GMDS: variants seen among roughly 807,000 people sequenced by gnomAD.
GMDS encodes GDP-mannose 4,6-dehydratase.
A neutral mutation model predicts 49.9 loss-of-function variants in GMDS; 20 were observed. That is an observed-to-expected ratio of 0.40 (90% confidence interval 0.28 to 0.58). The LOEUF (loss-of-function observed/expected upper bound fraction) is 0.58. Among genes scored for constraint, GMDS ranks in the 20% least tolerant of loss-of-function variants. The probability of loss-of-function intolerance (pLI) is 0.42; values close to 1 mark genes in which losing one functional copy is unlikely to be tolerated. For missense variants in GMDS, 362 were observed against 481.4 expected (o/e 0.75, Z 2.32); for synonymous variants, 177 against 178.6 (o/e 0.99, Z 0.07).
chr6:1,779,999 C>CTTT (rs1769015219), intron 7 of GMDS, among the ~76,000 whole-genome samples: 1 of 152,218 alleles, frequency 6.6e-6, no homozygotes, highest in South Asian at 2.1e-4. Context: ...TGAGTTTAGT[C>CTTT]TTTTGAGGAC....
chr6:1,827,872 C>G (rs1771194421), intron 7 of GMDS, among the ~76,000 whole-genome samples: 1 of 151,990 alleles, frequency 6.6e-6, no homozygotes, highest in Non-Finnish European at 1.5e-5. Context: ...ATTCAAATGT[C>G]CAGGTTTCAA....
intron 9 of GMDS, among the ~76,000 whole-genome samples, chr6:1,676,452 C>G (rs1764628830): frequency 6.6e-6 from 1 of 152,140 alleles, no homozygotes; most frequent in Admixed American, 6.5e-5. Flanking sequence ...CATATGGAAC[C>G]AAAAAAGAGC....
At chr6:1,675,095 G>A (rs142485747) in intron 9 of GMDS, among the ~76,000 whole-genome samples, 1,579 of 151,960 alleles carry the variant, frequency 0.01, 34 homozygotes, top group African/African-American at 0.036. Flanking sequence ...GCAACACCAC[G>A]CCTGGCTAAT....
intron 4 of GMDS, among the ~76,000 whole-genome samples, chr6:1,986,829 CA>C: frequency 6.6e-6 from 1 of 152,172 alleles, no homozygotes; most frequent in Non-Finnish European, 1.5e-5. Context: ...GCCCATTATT[CA>C]AAATTTTTTT....
At chr6:1,947,249 T>C (rs984264402) in intron 6 of GMDS, among the ~76,000 whole-genome samples, 2 of 152,200 alleles carry the variant, frequency 1.3e-5, no homozygotes, top group Non-Finnish European at 2.9e-5. Context: ...AATGGGGATA[T>C]GCTGGTACTA....
intron 6 of GMDS, among the ~76,000 whole-genome samples, chr6:1,952,511 T>C (rs1398163757): frequency 6.6e-6 from 1 of 151,974 alleles, no homozygotes; most frequent in African/African-American, 2.4e-5. Context: ...TGGGAGATGA[T>C]TAAAAAAAGT....
At chr6:2,034,601 C>T (rs921473201) in intron 4 of GMDS, among the ~76,000 whole-genome samples, 12 of 152,130 alleles carry the variant, frequency 7.9e-5, no homozygotes, top group African/African-American at 2.7e-4. Flanking sequence ...CGTAACATTC[C>T]TTTTTACCTC....
At chr6:1,816,188 A>C (rs1770663854) in intron 7 of GMDS, among the ~76,000 whole-genome samples, 1 of 152,194 alleles carries the variant, frequency 6.6e-6, no homozygotes, top group Non-Finnish European at 1.5e-5. Context: ...TCGCCTATCT[A>C]TTCACTCGGT....
chr6:1,729,921 G>A (rs1163633489), intron 8 of GMDS, among the ~76,000 whole-genome samples: 1 of 152,074 alleles, frequency 6.6e-6, no homozygotes, highest in African/African-American at 2.4e-5. Context: ...TCCTTTGAAG[G>A]AGCAACAAAA....
intron 7 of GMDS, among the ~76,000 whole-genome samples, chr6:1,856,553 A>G (rs920182207): frequency 2.0e-5 from 3 of 152,264 alleles, no homozygotes; most frequent in African/African-American, 7.2e-5. Context: ...GACTCCTTTC[A>G]CTTTATGATG....
intron 4 of GMDS, among the ~76,000 whole-genome samples, chr6:2,104,243 T>A (rs1389733901): frequency 2.0e-5 from 3 of 152,238 alleles, no homozygotes; most frequent in Non-Finnish European, 2.9e-5. Context: ...GTGGATGACA[T>A]ACCTTAAAAG....
chr6:1,714,979 G>A (rs1766122475), intron 9 of GMDS, among the ~76,000 whole-genome samples: 1 of 152,224 alleles, frequency 6.6e-6, no homozygotes, highest in Non-Finnish European at 1.5e-5. Flanking sequence ...GAGCTTGTGT[G>A]AGACAGTTGG....
chr6:1,674,556 CTCTCTTTTTTTTTTTTT>C (rs1212736256), intron 9 of GMDS, among the ~76,000 whole-genome samples: 2 of 85,280 alleles, frequency 2.3e-5, no homozygotes, highest in African/African-American at 7.4e-5. Flanking sequence ...CTCTCTCTCT[CTCTCTTTTTTTTTTTTT>C]TTTTTTTTTT....
At chr6:1,714,071 G>A (rs1367808129) in intron 9 of GMDS, among the ~76,000 whole-genome samples, 4 of 152,190 alleles carry the variant, frequency 2.6e-5, no homozygotes, top group East Asian at 1.9e-4. Context: ...AGGCTGGAGT[G>A]CAGTGGCATG....
chr6:2,081,198 C>T (rs980528075), intron 4 of GMDS, among the ~76,000 whole-genome samples: 1 of 152,054 alleles, frequency 6.6e-6, no homozygotes, highest in African/African-American at 2.4e-5. Context: ...ATCAGCACTT[C>T]TGTGGTGGAA....
intron 4 of GMDS, among the ~76,000 whole-genome samples, chr6:2,044,260 C>T (rs1038168669): frequency 6.6e-6 from 1 of 152,164 alleles, no homozygotes; most frequent in South Asian, 2.1e-4. Flanking sequence ...GACACATGCA[C>T]GCATATGTTC....
At chr6:2,152,440 G>C (rs969267587) in intron 1 of GMDS, among the ~76,000 whole-genome samples, 1 of 152,018 alleles carries the variant, frequency 6.6e-6, no homozygotes, top group African/African-American at 2.4e-5. Flanking sequence ...TTCAAAATCA[G>C]GAGTTTCCAA....
chr6:1,646,839 G>T (rs1396242619), intron 9 of GMDS, among the ~76,000 whole-genome samples: 1 of 152,170 alleles, frequency 6.6e-6, no homozygotes, highest in Admixed American at 6.5e-5. Flanking sequence ...CCCTGAAGAG[G>T]AATTCATTGA....
At chr6:2,161,712 T>TGAAAAAGATAAGGGACCCAACA (rs1777409574) in intron 1 of GMDS, among the ~76,000 whole-genome samples, 1 of 152,140 alleles carries the variant, frequency 6.6e-6, no homozygotes, top group Non-Finnish European at 1.5e-5. Context: ...GTGGGGCTGG[T>TGAAAAAGATAAGGGACCCAACA]GAAAAAGATA....
Sources: gnomAD v4.1 joint callset for allele counts (sites outside exome capture counted in the v4.1 genomes callset) on GRCh38, gnomAD v4.1.1 for gene constraint, MANE v1.5 for transcripts, NCBI Gene and HGNC (gene_info 2026-07-23, HGNC 2026-07-21) for gene names.